IGBP1C: variants seen among roughly 807,000 people sequenced by gnomAD.
IGBP1C encodes IGBP1 family member C.
the IGBP1C span, among the ~76,000 whole-genome samples, chr17:58,685,210 G>C: frequency 2.6e-5 from 4 of 151,956 alleles, no homozygotes; most frequent in African/African-American, 9.7e-5. Context: ...GAGGTGGGTG[G>C]ATCACCTGAG....
chr17:58,665,375 A>C, the IGBP1C span, among the ~76,000 whole-genome samples: 11 of 150,716 alleles, frequency 7.3e-5, no homozygotes, highest in African/African-American at 2.7e-4. Context: ...AGGCTGAGGC[A>C]GGATGGCTTG....
the IGBP1C span, chr17:58,661,213 G>A: frequency 2.5e-6 from 2 of 797,620 alleles, no homozygotes; most frequent in South Asian, 2.7e-5. Flanking sequence ...TCTTGGTTTG[G>A]GGCAGCTCAA....
the IGBP1C span, among the ~76,000 whole-genome samples, chr17:58,665,235 T>TC: frequency 1.3e-5 from 2 of 152,056 alleles, no homozygotes; most frequent in East Asian, 1.9e-4. Context: ...CAAGCCATCC[T>TC]CCTGCCTCAG....
the IGBP1C span, among the ~76,000 whole-genome samples, chr17:58,690,092 G>A: frequency 1.3e-5 from 2 of 151,940 alleles, no homozygotes; most frequent in Non-Finnish European, 2.9e-5. Flanking sequence ...CTTGTGATCT[G>A]CAGAAGATAT....
chr17:58,681,036 C>T, the IGBP1C span, among the ~76,000 whole-genome samples: 1 of 152,092 alleles, frequency 6.6e-6, no homozygotes, highest in Admixed American at 6.6e-5. Context: ...AATCCCAGCA[C>T]TTTGGGAGGC....
the IGBP1C span, among the ~76,000 whole-genome samples, chr17:58,687,917 G>C: frequency 6.6e-6 from 1 of 152,086 alleles, no homozygotes; most frequent in African/African-American, 2.4e-5. Flanking sequence ...AGCTCCATGA[G>C]GGCAGAGAAT....
the IGBP1C span, chr17:58,666,530 C>T: frequency 1.4e-5 from 2 of 147,832 alleles, no homozygotes; most frequent in Non-Finnish European, 3.0e-5. Flanking sequence ...ATTTCAACTA[C>T]CACAACCAGC....
At chr17:58,674,134 G>A in the IGBP1C span, among the ~76,000 whole-genome samples, 4 of 151,968 alleles carry the variant, frequency 2.6e-5, no homozygotes, top group Non-Finnish European at 5.9e-5. Flanking sequence ...AATTTAGCTG[G>A]GTGTGGTGGC....
chr17:58,661,156 A>G, the IGBP1C span: 1 of 823,680 alleles, frequency 1.2e-6, no homozygotes, highest in African/African-American at 1.7e-5. Flanking sequence ...CAACGAGGCT[A>G]GGATAAGCCG....
chr17:58,680,087 T>A, the IGBP1C span, among the ~76,000 whole-genome samples: 1 of 152,130 alleles, frequency 6.6e-6, no homozygotes, highest in African/African-American at 2.4e-5. Context: ...TTTTCTTTTT[T>A]TTTCCCCCCA....
chr17:58,666,120 A>C, the IGBP1C span, among the ~76,000 whole-genome samples: 1 of 151,944 alleles, frequency 6.6e-6, no homozygotes, highest in African/African-American at 2.4e-5. Context: ...GAAGGTGTGG[A>C]TCACTTGAGG....
chr17:58,663,576 C>T, the IGBP1C span, among the ~76,000 whole-genome samples: 4 of 151,864 alleles, frequency 2.6e-5, no homozygotes, highest in African/African-American at 9.7e-5. Flanking sequence ...AAGCAATTCT[C>T]CTGCCTCAGC....
chr17:58,676,735 C>G, the IGBP1C span, among the ~76,000 whole-genome samples: 1 of 152,116 alleles, frequency 6.6e-6, no homozygotes. Context: ...TTTGTAATCC[C>G]AGCACCTTGA....
chr17:58,687,932 C>T, the IGBP1C span, among the ~76,000 whole-genome samples: 74 of 152,256 alleles, frequency 4.9e-4, no homozygotes, highest in Non-Finnish European at 9.1e-4. Flanking sequence ...GAGAATCTAT[C>T]TTGTTTACCC....
At chr17:58,677,321 G>A in the IGBP1C span, among the ~76,000 whole-genome samples, 1 of 152,080 alleles carries the variant, frequency 6.6e-6, no homozygotes, top group East Asian at 1.9e-4. Context: ...TCCTTCCTGA[G>A]TTTGATTTCC....
At chr17:58,667,949 C>T in the IGBP1C span, among the ~76,000 whole-genome samples, 1 of 151,578 alleles carries the variant, frequency 6.6e-6, no homozygotes, top group East Asian at 1.9e-4. Flanking sequence ...CTTATTCAGG[C>T]TTCTGAACCT....
chr17:58,665,773 C>A, the IGBP1C span, among the ~76,000 whole-genome samples: 1 of 151,902 alleles, frequency 6.6e-6, no homozygotes, highest in Non-Finnish European at 1.5e-5. Context: ...AGGCTGGGCG[C>A]GGTGGCTCAC....
the IGBP1C span, among the ~76,000 whole-genome samples, chr17:58,687,957 T>C: frequency 1.3e-5 from 2 of 152,206 alleles, no homozygotes; most frequent in African/African-American, 4.8e-5. Flanking sequence ...ATCTGGCACA[T>C]AACTAGCATT....
the IGBP1C span, among the ~76,000 whole-genome samples, chr17:58,674,331 T>G: frequency 6.6e-6 from 1 of 151,440 alleles, no homozygotes; most frequent in East Asian, 1.9e-4. Flanking sequence ...AAACTAATCC[T>G]ATTGAACCCA....
Sources: gnomAD v4.1 joint callset for allele counts (sites outside exome capture counted in the v4.1 genomes callset) on GRCh38, gnomAD v4.1.1 for gene constraint, MANE v1.5 for transcripts, NCBI Gene and HGNC (gene_info 2026-07-23, HGNC 2026-07-21) for gene names.